The following KAT6B variants were observed in gnomAD, a reference collection of about 807,000 sequenced individuals.
The protein encoded by KAT6B is histone acetyltransferase KAT6B.
A neutral mutation model predicts 187.5 loss-of-function variants in KAT6B; 10 were observed. The ratio of observed to expected loss-of-function variants is 0.05; its 90% CI spans 0.03 to 0.09. The LOEUF (loss-of-function observed/expected upper bound fraction) is 0.09. Among genes scored for constraint, KAT6B ranks in the 10% least tolerant of loss-of-function variants. KAT6B has a pLI of 1.00. For missense variants in KAT6B, 1,952 were observed against 2,558.9 expected, an observed-to-expected ratio of 0.76 and a Z score of 5.12; for synonymous variants, 861 against 926.8, an observed-to-expected ratio of 0.93 and a Z score of 1.29.
At chr10:75,023,228 C>G (rs1175581773) in intron 16 of KAT6B, among the ~76,000 whole-genome samples, 2 of 152,220 alleles carry the variant, frequency 1.3e-5, no homozygotes, top group Non-Finnish European at 2.9e-5. Context: ...AGAGCCAAGA[C>G]TGATAGAGAT....
intron 3 of KAT6B, among the ~76,000 whole-genome samples, chr10:74,959,249 T>G (rs1469301075): frequency 6.6e-6 from 1 of 152,216 alleles, no homozygotes; most frequent in Middle Eastern, 3.4e-3. Flanking sequence ...ATGTCAAATA[T>G]TTAGTAGGTG....
intron 3 of KAT6B, among the ~76,000 whole-genome samples, chr10:74,949,825 A>T (rs989485714): frequency 1.3e-5 from 2 of 152,136 alleles, no homozygotes; most frequent in Non-Finnish European, 1.5e-5. Flanking sequence ...TATTTTAGGG[A>T]TATATGTAGG....
chr10:75,022,669 G>A (rs986106164), intron 16 of KAT6B, among the ~76,000 whole-genome samples: 2 of 152,182 alleles, frequency 1.3e-5, no homozygotes, highest in African/African-American at 2.4e-5. Context: ...AGTGGCTCAC[G>A]CCTGTAATCC....
chr10:74,828,662 G>C (rs1050546859), intron 1 of KAT6B, among the ~76,000 whole-genome samples: 9 of 150,608 alleles, frequency 6.0e-5, no homozygotes, highest in African/African-American at 2.2e-4. Context: ...CCGCCTCCCG[G>C]GTTCACGCCA....
chr10:75,016,038 G>A (rs1210215965), intron 13 of KAT6B, among the ~76,000 whole-genome samples: 1 of 152,186 alleles, frequency 6.6e-6, no homozygotes, highest in Non-Finnish European at 1.5e-5. Context: ...TAGTTTAAAG[G>A]GAAGGAATTT....
At chr10:74,855,304 C>A (rs1006847406) in intron 3 of KAT6B, among the ~76,000 whole-genome samples, 1 of 152,200 alleles carries the variant, frequency 6.6e-6, no homozygotes, top group South Asian at 2.1e-4. Flanking sequence ...TTGACTGTTT[C>A]TGTTAGTAGT....
At chr10:75,014,849 G>A (rs908035762) in intron 13 of KAT6B, among the ~76,000 whole-genome samples, 2 of 152,214 alleles carry the variant, frequency 1.3e-5, no homozygotes, top group South Asian at 2.1e-4. Flanking sequence ...GGGCTTTGGC[G>A]AGTCCATTCT....
chr10:74,898,059 A>G (rs1418879136), intron 3 of KAT6B, among the ~76,000 whole-genome samples: 1 of 152,218 alleles, frequency 6.6e-6, no homozygotes, highest in Non-Finnish European at 1.5e-5. Flanking sequence ...TTCTTTGTCA[A>G]CAATAAATCT....
intron 1 of KAT6B, among the ~76,000 whole-genome samples, chr10:74,830,769 T>TATATATATATATATATA (rs58702000): frequency 1.3e-4 from 1 of 7,738 alleles, no homozygotes. Flanking sequence ...TATATATATA[T>TATATATATATATATATA]TTTTTTTTTT....
chr10:75,003,059 C>G (rs1168737188), intron 13 of KAT6B: 1 of 152,214 alleles, frequency 6.6e-6, no homozygotes, highest in Admixed American at 6.5e-5. Flanking sequence ...TACTTACTTC[C>G]AAATGATGCT....
chr10:74,849,979 C>T (rs1449530569), intron 3 of KAT6B, among the ~76,000 whole-genome samples: 1 of 151,432 alleles, frequency 6.6e-6, no homozygotes, highest in Non-Finnish European at 1.5e-5. Flanking sequence ...CGCTCTGTCG[C>T]CCAGGCTGGA....
intron 9 of KAT6B, among the ~76,000 whole-genome samples, chr10:74,977,931 G>C (rs1328304486): frequency 6.6e-6 from 1 of 152,144 alleles, no homozygotes; most frequent in Non-Finnish European, 1.5e-5. Flanking sequence ...TTATTGTCCA[G>C]TAATTTCTTT....
intron 3 of KAT6B, among the ~76,000 whole-genome samples, chr10:74,896,672 T>C (rs935530764): frequency 3.9e-5 from 6 of 152,240 alleles, no homozygotes; most frequent in Admixed American, 1.3e-4. Flanking sequence ...TTTTTACCAA[T>C]TGTGCTTCCA....
At chr10:74,858,288 T>C (rs1027497908) in intron 3 of KAT6B, among the ~76,000 whole-genome samples, 4 of 151,084 alleles carry the variant, frequency 2.6e-5, no homozygotes, top group Admixed American at 6.6e-5. Flanking sequence ...GGGCAATTTT[T>C]TTTTTTTTTT....
intron 3 of KAT6B, among the ~76,000 whole-genome samples, chr10:74,867,627 C>T (rs1843645679): frequency 6.6e-6 from 1 of 152,130 alleles, no homozygotes. Context: ...CTGCACACTG[C>T]CAGTTGTTTT....
At chr10:75,009,458 T>C (rs1264782500) in intron 13 of KAT6B, among the ~76,000 whole-genome samples, 1 of 152,136 alleles carries the variant, frequency 6.6e-6, no homozygotes, top group Non-Finnish European at 1.5e-5. Flanking sequence ...TAAAGTCTCA[T>C]GGGGATAATA....
At chr10:74,826,983 C>T (rs1347016429) in intron 1 of KAT6B, among the ~76,000 whole-genome samples, 198 bp downstream of exon 1, 39 of 139,868 alleles carry the variant, frequency 2.8e-4, no homozygotes, top group African/African-American at 1.0e-3. Context: ...CAGGCCCCGC[C>T]CCTCGGCAGG....
At chr10:74,948,751 T>C (rs535846668) in intron 3 of KAT6B, among the ~76,000 whole-genome samples, 35 of 152,356 alleles carry the variant, frequency 2.3e-4, no homozygotes, top group Admixed American at 1.2e-3. Context: ...GTTATGCCTA[T>C]CCTTTAATCT....
intron 4 of KAT6B, 37 bp from the exon 5 acceptor site, chr10:74,969,623 C>T (rs760228967): frequency 2.1e-5 from 26 of 1,239,744 alleles, no homozygotes; most frequent in Non-Finnish European, 3.0e-5. Flanking sequence ...GTCAAAGGCA[C>T]CATTCCCATC....
Sources: allele counts gnomAD v4.1 joint callset (sites outside exome capture counted in the v4.1 genomes callset), GRCh38; gene constraint gnomAD v4.1.1; transcripts MANE v1.5; gene names NCBI Gene and HGNC (gene_info 2026-07-23, HGNC 2026-07-21).